Variants in TRAF3IP3 observed in about 807,000 individuals in gnomAD.
TRAF3IP3 encodes the protein TRAF3 interacting protein 3, also known as TRAF3-interacting JNK-activating modulator.
TRAF3IP3 carries 64 observed loss-of-function variants against 86.5 expected under a neutral mutation model. The ratio of observed to expected loss-of-function variants is 0.74; its 90% CI spans 0.60 to 0.91. The LOEUF (loss-of-function observed/expected upper bound fraction) is 0.91. TRAF3IP3 is among the 40% of genes least tolerant of loss of function. The pLI is 0.00. For missense variants in TRAF3IP3, 579 were observed against 642.9 expected (o/e 0.90, Z 1.07); for synonymous variants, 220 against 243.9 (o/e 0.90, Z 0.91).
intron 1 of TRAF3IP3, chr1:209,758,663 T>C (rs2077194824): frequency 6.6e-6 from 1 of 152,206 alleles, no homozygotes; most frequent in Admixed American, 6.5e-5. Context: ...TGGTGGGTAA[T>C]GAGGTCGTGG....
At position 209,770,371 on chromosome 1, in the gene TRAF3IP3, G is replaced by T. The variant is rs74447762; in HGVS notation, c.703-2577G>T. ...GAAGTGTGTATGTCCAGATGGAATT[G>T]TGCGTGTGCATGTGGAGGTGTGTGT... On this transcript the variant is annotated intron_variant, in intron 8 of 16. Coordinates refer to ENST00000367025, the MANE Select transcript of TRAF3IP3 (RefSeq NM_025228.4). Among the ~76,000 whole-genome samples the T allele has an allele frequency of 3.5e-3, 539 of 151,964 alleles. 14 individuals carry two copies. In the East Asian group the frequency reaches 0.051, roughly 14 times the overall value.
intron 1 of TRAF3IP3, among the ~76,000 whole-genome samples, chr1:209,757,081 TC>T (rs2077166885): frequency 6.6e-6 from 1 of 152,154 alleles, no homozygotes; most frequent in South Asian, 2.1e-4. Flanking sequence ...GGTCCAGATA[TC>T]CCAGAAACCT....
chr1:209,759,297 G>T (rs557275888), intron 2 of TRAF3IP3, among the ~76,000 whole-genome samples, 163 bp downstream of exon 2: 7 of 152,314 alleles, frequency 4.6e-5, no homozygotes, highest in East Asian at 1.9e-4. Flanking sequence ...AGCTTGGAGT[G>T]GGGGGCCCAT....
At chr1:209,777,290 GC>G (rs2077675007) in intron 11 of TRAF3IP3, 61 bp from the exon 12 acceptor site, 4 of 1,433,700 alleles carry the variant, frequency 2.8e-6, no homozygotes, top group Admixed American at 2.0e-5. Flanking sequence ...CATGGTACCC[GC>G]CCCCCAACCT....
intron 14 of TRAF3IP3, chr1:209,779,748 T>G: frequency 1.8e-6 from 1 of 552,004 alleles, no homozygotes; most frequent in Non-Finnish European, 3.2e-6. Flanking sequence ...AACTCACTGT[T>G]AGCCCTAGAG....
chr1:209,781,399 C>T lies in TRAF3IP3; in HGVS notation c.1504C>T (p.Leu502=), dbSNP rs761032143. 4 of 1,613,794 alleles carry T rather than the reference C, an allele frequency of 2.5e-6. No individual in the cohort carries two copies. The highest frequency in any genetic ancestry group is 3.4e-6 in the Non-Finnish European group (4 of 1,179,768). The change falls in exon 16 of 17, where the codon CTG becomes TTG. Residue 502 remains leucine, a synonymous_variant. Coordinates refer to ENST00000367025, the MANE Select transcript of TRAF3IP3 (RefSeq NM_025228.4). ...CCTCAGTGACGAGTATCTCTCCTGCCTGCGTAAGCTGCAGCACTGTCGAGA... is the reference window on the plus strand; with the variant it reads ...CCTCAGTGACGAGTATCTCTCCTGCTTGCGTAAGCTGCAGCACTGTCGAGA... ...DNLSDEYLSC[L]RKLQHCREEL... is the part of the protein sequence containing the mutation.
intron 8 of TRAF3IP3, among the ~76,000 whole-genome samples, chr1:209,765,243 AAGGAAG>A (rs1558013189): frequency 0.015 from 1,729 of 117,124 alleles, 57 homozygotes; most frequent in South Asian, 0.034. Context: ...GGAAGGAAGG[AAGGAAG>A]GAAGGAAGGA....
intron 8 of TRAF3IP3, among the ~76,000 whole-genome samples, chr1:209,766,333 T>C (rs973377163): frequency 2.0e-5 from 3 of 152,214 alleles, no homozygotes; most frequent in African/African-American, 7.2e-5. Flanking sequence ...ACTCATTTGT[T>C]TGACAGTCAT....
intron 8 of TRAF3IP3, among the ~76,000 whole-genome samples, chr1:209,770,330 T>G (rs2077441367): frequency 6.6e-6 from 1 of 152,090 alleles, no homozygotes; most frequent in Admixed American, 6.6e-5. Flanking sequence ...CAGGTGGAGG[T>G]GTGTGTGTGG....
chr1:209,779,470 C>T (rs2077731290), intron 14 of TRAF3IP3, 96 bp downstream of exon 14: 2 of 1,063,308 alleles, frequency 1.9e-6, no homozygotes, highest in Non-Finnish European at 2.9e-6. Flanking sequence ...GGAGTCCCAG[C>T]CAGTTCTGGG....
rs373718971 is a variant in TRAF3IP3, at chr1:209,767,675, GA to G, written c.702+4100del. Among the ~76,000 whole-genome samples, 211 of 138,054 alleles carry G rather than the reference GA, an allele frequency of 1.5e-3. 1 individual carries two copies. Among genetic ancestry groups the G allele is most frequent in the East Asian group, 3.0e-3 (14 of 4,676 alleles). The allele number at this position is 138,054 out of a possible 152,430, so 90.6% of individuals were successfully genotyped here. ...GGGTAACAGAGCAAGACCCTGTCTT[GA>G]AAAAAAAAAAAGAGGGGGGAGGGTT... On this transcript the variant is annotated intron_variant, in intron 8 of 16. Coordinates refer to ENST00000367025, the MANE Select transcript of TRAF3IP3 (RefSeq NM_025228.4).
intron 8 of TRAF3IP3, among the ~76,000 whole-genome samples, chr1:209,767,496 C>T (rs1258473136): frequency 6.6e-6 from 1 of 152,044 alleles, no homozygotes; most frequent in African/African-American, 2.4e-5. Context: ...TCAAGACCAG[C>T]CTGGGCAACA....
At chr1:209,767,987 C>T (rs1462315000) in intron 8 of TRAF3IP3, among the ~76,000 whole-genome samples, 1 of 152,112 alleles carries the variant, frequency 6.6e-6, no homozygotes, top group Non-Finnish European at 1.5e-5. Context: ...TCCCTCCTCC[C>T]CACCAACCCC....
Position 209,765,220 on chromosome 1 carries a change from A to AAG in TRAF3IP3, c.702+1633_702+1634insAG, listed in dbSNP as rs1190512788. Among the ~76,000 whole-genome samples the AAG allele has an allele frequency of 8.3e-3, 826 of 99,170 alleles. 74 individuals are homozygous for AAG. The highest frequency in any genetic ancestry group is 0.031 in the African/African-American group (736 of 23,422). The allele number at this position is 99,170 out of a possible 152,430, so 65.1% of individuals were successfully genotyped here. A position where few individuals can be genotyped will look rare whatever the true frequency, so the allele number is the denominator to read the frequency against. On this transcript the variant is annotated intron_variant, in intron 8 of 16. Coordinates refer to ENST00000367025, the MANE Select transcript of TRAF3IP3 (RefSeq NM_025228.4). ...GAGAGAGAGAGAGAGAGAGGGAGAG[A>AAG]GAGAGAGAGGAAGGAAGGAAGGAAG...
chr1:209,773,008 ACCTGTAC>A lies in TRAF3IP3; in HGVS notation c.766_772del (p.Cys256ArgfsTer8), dbSNP rs1469510590. The A allele has an allele frequency of 4.3e-6, 7 of 1,611,974 alleles. No individual in the cohort carries two copies. Among genetic ancestry groups the A allele is most frequent in the Non-Finnish European group, 5.1e-6 (6 of 1,179,210 alleles). The stretch of plus-strand genomic sequence containing the variant: ...GAGATCCTTAGAAAACCAGCTATAC[ACCTGTAC>A]CCAGGTAAGCATTCTGAAGGATACT... On this transcript the variant is annotated frameshift_variant, in exon 9 of 17. Coordinates refer to ENST00000367025, the MANE Select transcript of TRAF3IP3 (RefSeq NM_025228.4). LOFTEE classifies it high-confidence loss of function.
chr1:209,757,981 T>C (rs970438462), intron 1 of TRAF3IP3, among the ~76,000 whole-genome samples: 12 of 152,162 alleles, frequency 7.9e-5, no homozygotes, highest in African/African-American at 2.7e-4. Context: ...AGCCAGGACA[T>C]GAGTCCACGC....
At chr1:209,766,979 T>C (rs1202611639) in intron 8 of TRAF3IP3, among the ~76,000 whole-genome samples, 1 of 151,336 alleles carries the variant, frequency 6.6e-6, no homozygotes, top group Admixed American at 6.6e-5. Flanking sequence ...AGTAGAAGAG[T>C]GTTTAAGGTA....
chr1:209,770,905 TGCGTGTGCAGGTGAAGGTGTGC>T, intron 8 of TRAF3IP3, among the ~76,000 whole-genome samples: 1 of 136,152 alleles, frequency 7.3e-6, no homozygotes, highest in Non-Finnish European at 1.5e-5. Context: ...GGTGAAGGTG[TGCGTGTGCAGGTGAAGGTGTGC>T]GTGTGCAGGT....
intron 9 of TRAF3IP3, among the ~76,000 whole-genome samples, chr1:209,774,794 G>C (rs2077618255): frequency 6.6e-6 from 1 of 152,220 alleles, no homozygotes. Flanking sequence ...AAAAGGGACT[G>C]AAGGGAGGCA....
Sources: allele counts gnomAD v4.1 joint callset (sites outside exome capture counted in the v4.1 genomes callset), GRCh38; gene constraint gnomAD v4.1.1; transcripts MANE v1.5; gene names NCBI Gene and HGNC (gene_info 2026-07-23, HGNC 2026-07-21).